The following PPFIA2 variants were observed in gnomAD, a reference collection of about 807,000 sequenced individuals.
The protein encoded by PPFIA2 is liprin-alpha-2.
A neutral mutation model predicts 175.5 loss-of-function variants in PPFIA2; 46 were observed. The ratio of observed to expected loss-of-function variants is 0.26; its 90% CI spans 0.21 to 0.34. The LOEUF is 0.34. PPFIA2 is among the 10% of genes least tolerant of loss of function. The pLI, the probability that PPFIA2 is intolerant of heterozygous loss-of-function variation, is 1.00. For synonymous variants in PPFIA2, 568 were observed against 511.4 expected, an observed-to-expected ratio of 1.11 and a Z score of -1.49; for missense variants, 1,179 against 1,506.1, an observed-to-expected ratio of 0.78 and a Z score of 3.60.
chr12:81,405,551 A>C (rs1051787457), intron 8 of PPFIA2, among the ~76,000 whole-genome samples: 1 of 151,972 alleles, frequency 6.6e-6, no homozygotes. Flanking sequence ...AATTAAGAGC[A>C]GGTAAAAAAT....
chr12:81,550,468 G>A (rs534484483), intron 4 of PPFIA2, among the ~76,000 whole-genome samples: 1 of 152,014 alleles, frequency 6.6e-6, no homozygotes, highest in Non-Finnish European at 1.5e-5. Flanking sequence ...CAATTAGACA[G>A]AAGGTAGGGG....
chr12:81,440,213 T>C, intron 6 of PPFIA2, among the ~76,000 whole-genome samples, 167 bp from the exon 7 acceptor site: 1 of 152,168 alleles, frequency 6.6e-6, no homozygotes, highest in Admixed American at 6.5e-5. Context: ...AATGAATGCA[T>C]TGTCACCTCG....
In PPFIA2 at chr12:81,596,470, C is replaced by T. The variant is rs1003613573; in HGVS notation, c.303+80321G>A. Among the ~76,000 whole-genome samples, 18 of 152,026 alleles carry T rather than the reference C, an allele frequency of 1.2e-4. 1 individual carries two copies. Among genetic ancestry groups the T allele is most frequent in the African/African-American group, 4.3e-4 (18 of 41,472 alleles). On this transcript the variant is annotated intron_variant, in intron 4 of 32. Coordinates refer to ENST00000549396, the MANE Select transcript of PPFIA2 (RefSeq NM_003625.5). ...CTTATCTTAATTCCTACGGTTTTTA[C>T]AAGAATATGTTATTATCGACAAAAA...
chr12:81,676,937 G>A (rs2072635568), intron 3 of PPFIA2, 93 bp from the exon 4 acceptor site: 1 of 826,028 alleles, frequency 1.2e-6, no homozygotes, highest in African/African-American at 1.8e-5. Flanking sequence ...TAGCTGCAAA[G>A]TTAGGGCATG....
rs2066187686 is a variant in PPFIA2, at chr12:81,646,980, CAT to C, written c.303+29809_303+29810del. On this transcript the variant is annotated intron_variant, in intron 4 of 32. Transcript: ENST00000549396. ...ACAAAATAGTCCATAGAACCAGAAACATAGAAATTCAGGATGATGACACTTTC... is the reference window on the plus strand; with the variant it reads ...ACAAAATAGTCCATAGAACCAGAAACAGAAATTCAGGATGATGACACTTTC... Among the ~76,000 whole-genome samples the C allele has an allele frequency of 2.0e-5, 3 of 149,644 alleles. No homozygotes were observed. The South Asian group carries it at 6.4e-4, about 32-fold the overall frequency.
chr12:81,590,970 T>G (rs1397531077), intron 4 of PPFIA2, among the ~76,000 whole-genome samples: 1 of 151,962 alleles, frequency 6.6e-6, no homozygotes, highest in Admixed American at 6.6e-5. Flanking sequence ...CTGGCAGAGG[T>G]TGGAACAGTT....
intron 4 of PPFIA2, among the ~76,000 whole-genome samples, chr12:81,500,496 C>A (rs2060479344): frequency 6.6e-6 from 1 of 152,202 alleles, no homozygotes; most frequent in Admixed American, 6.5e-5. Flanking sequence ...GCAAAGGGCA[C>A]AGATCCCAGG....
chr12:81,310,679 T>G (rs2050548784), intron 22 of PPFIA2, among the ~76,000 whole-genome samples: 1 of 152,178 alleles, frequency 6.6e-6, no homozygotes, highest in Non-Finnish European at 1.5e-5. Flanking sequence ...AAAAAGAGCT[T>G]ACAATATTCA....
intron 8 of PPFIA2, among the ~76,000 whole-genome samples, chr12:81,396,042 A>G (rs1407492842): frequency 6.6e-6 from 1 of 152,052 alleles, no homozygotes; most frequent in African/African-American, 2.4e-5. Flanking sequence ...AAACCTTTAG[A>G]GGGTGGAAGA....
At chr12:81,412,335 CAAAAAA>C (rs35342063) in intron 7 of PPFIA2, among the ~76,000 whole-genome samples, 1 of 96,196 alleles carries the variant, frequency 1.0e-5, no homozygotes, top group African/African-American at 3.4e-5. Flanking sequence ...GTTAAGGAGG[CAAAAAA>C]AAAAAAAAAA....
At chr12:81,368,110 T>C (rs1366212635) in intron 13 of PPFIA2, 1 of 1,288,106 alleles carries the variant, frequency 7.8e-7, no homozygotes, top group Non-Finnish European at 1.0e-6. Flanking sequence ...TACCTTAATT[T>C]ATGCTCTGGA....
intron 4 of PPFIA2, among the ~76,000 whole-genome samples, chr12:81,628,009 G>A (rs1040498592): frequency 6.6e-6 from 1 of 152,012 alleles, no homozygotes; most frequent in Non-Finnish European, 1.5e-5. Flanking sequence ...CAATACCTAA[G>A]TATATGAGAG....
chr12:81,618,257 G>C (rs2061613030), intron 4 of PPFIA2, among the ~76,000 whole-genome samples: 1 of 129,416 alleles, frequency 7.7e-6, no homozygotes, highest in Non-Finnish European at 1.6e-5. Flanking sequence ...GTAAATCTGT[G>C]TGTGTGTGTG....
intron 22 of PPFIA2, among the ~76,000 whole-genome samples, chr12:81,319,863 C>T (rs2053267009): frequency 6.6e-6 from 1 of 151,908 alleles, no homozygotes; most frequent in Non-Finnish European, 1.5e-5. Flanking sequence ...AATCTAATAT[C>T]ATGCAAGTGA....
At chr12:81,336,730 T>C (rs940593512) in intron 21 of PPFIA2, among the ~76,000 whole-genome samples, 5 of 152,176 alleles carry the variant, frequency 3.3e-5, no homozygotes, top group African/African-American at 1.2e-4. Flanking sequence ...TAGCACATGG[T>C]TCAGAATTTC....
At chr12:81,416,320 T>C (rs2045253099) in intron 7 of PPFIA2, among the ~76,000 whole-genome samples, 1 of 151,568 alleles carries the variant, frequency 6.6e-6, no homozygotes, top group Non-Finnish European at 1.5e-5. Flanking sequence ...ATTTAGAATA[T>C]ATATAAGCAG....
At chr12:81,467,797 G>C (rs188725692) in intron 4 of PPFIA2, among the ~76,000 whole-genome samples, 222 of 152,230 alleles carry the variant, frequency 1.5e-3, no homozygotes, top group African/African-American at 5.2e-3. Context: ...ATGCTGTTTT[G>C]AGAGGAGCCC....
chr12:81,373,953 CAT>C (rs978998145), intron 11 of PPFIA2, among the ~76,000 whole-genome samples: 2 of 151,908 alleles, frequency 1.3e-5, no homozygotes, highest in Non-Finnish European at 1.5e-5. Context: ...TAACTTGTGA[CAT>C]ATACATACAC....
chr12:81,471,613 C>A (rs921333590), intron 4 of PPFIA2, among the ~76,000 whole-genome samples: 1 of 151,848 alleles, frequency 6.6e-6, no homozygotes, highest in Non-Finnish European at 1.5e-5. Flanking sequence ...CCTAGGGGTG[C>A]AGATGTTTCT....
Sources: allele counts gnomAD v4.1 joint callset (sites outside exome capture counted in the v4.1 genomes callset), GRCh38; gene constraint gnomAD v4.1.1; transcripts MANE v1.5; gene names NCBI Gene and HGNC (gene_info 2026-07-23, HGNC 2026-07-21).